The following OR10J1 variants were observed in gnomAD, a reference collection of about 807,000 sequenced individuals.
The protein encoded by OR10J1 is olfactory receptor family 10 subfamily J member 1.
For synonymous variants in OR10J1, 202 were observed against 143.8 expected, an observed-to-expected ratio of 1.40 and a Z score of -2.89; for missense variants, 474 against 376.6, an observed-to-expected ratio of 1.26 and a Z score of -2.14.
the OR10J1 span, among the ~76,000 whole-genome samples, chr1:159,403,945 C>G: frequency 7.8e-4 from 118 of 152,150 alleles, 1 homozygote; most frequent in Non-Finnish European, 1.3e-3. Flanking sequence ...AAAAAGAATG[C>G]AATCCAGTCG....
Position 159,440,604 on chromosome 1 carries a change from G to T in OR10J1, c.813G>T (p.Gln271His), listed in dbSNP as rs199959856. ...PKSENTREHD[Q>H]LISVTYTVIT... ...CAGAGAACACCAGAGAACATGACCA[G>T]CTGATCTCGGTGACCTACACTGTCA... The change falls in exon 1 of 1, where the codon CAG (glutamine) becomes CAT (histidine). Residue 271 changes from glutamine to histidine, a missense_variant. Gln to His is a conservative substitution (Grantham distance 24, BLOSUM62 0). Coordinates refer to ENST00000423932, the MANE Select transcript of OR10J1 (RefSeq NM_012351.3). The T allele has an allele frequency of 1.4e-5, 22 of 1,613,810 alleles. No individual in the cohort carries two copies. Among genetic ancestry groups the T allele is most frequent in the African/African-American group, 2.7e-5 (2 of 74,868 alleles).
the OR10J1 span, chr1:159,432,707 C>T: frequency 1.2e-5 from 5 of 405,536 alleles, no homozygotes; most frequent in Non-Finnish European, 2.2e-5. Flanking sequence ...TCAGCCTTCC[C>T]TTCTGTGATG....
At chr1:159,423,666 G>A in the OR10J1 span, among the ~76,000 whole-genome samples, 2 of 152,170 alleles carry the variant, frequency 1.3e-5, no homozygotes, top group Admixed American at 1.3e-4. Context: ...ACCATGCGGA[G>A]AGACTTTCCT....
chr1:159,422,910 T>C, the OR10J1 span, among the ~76,000 whole-genome samples: 1 of 152,176 alleles, frequency 6.6e-6, no homozygotes, highest in Admixed American at 6.5e-5. Flanking sequence ...CAGGCTACAT[T>C]GCTTCCCTCT....
At chr1:159,417,698 C>T in the OR10J1 span, among the ~76,000 whole-genome samples, 1 of 152,146 alleles carries the variant, frequency 6.6e-6, no homozygotes, top group East Asian at 1.9e-4. Flanking sequence ...GAGTAGGGTG[C>T]TGCTGTATAG....
the OR10J1 span, among the ~76,000 whole-genome samples, chr1:159,411,622 A>G: frequency 6.6e-6 from 1 of 152,142 alleles, no homozygotes; most frequent in Non-Finnish European, 1.5e-5. Context: ...TCCTGAATAC[A>G]GCACACTGAT....
chr1:159,433,401 T>C (rs1277811339), upstream of OR10J1, among the ~76,000 whole-genome samples: 1 of 152,228 alleles, frequency 6.6e-6, no homozygotes, highest in Non-Finnish European at 1.5e-5. Context: ...CACTGCACTA[T>C]AATGTTAGAC....
the OR10J1 span, among the ~76,000 whole-genome samples, chr1:159,413,683 C>G: frequency 8.9e-6 from 1 of 112,402 alleles, no homozygotes. Context: ...ACTCTAGGGA[C>G]TGTTGTGGGG....
upstream of OR10J1, among the ~76,000 whole-genome samples, chr1:159,438,941 C>T (rs1655820628): frequency 6.6e-6 from 1 of 152,098 alleles, no homozygotes; most frequent in South Asian, 2.1e-4. Context: ...CTGTATCTTT[C>T]CTGATACAAT....
the OR10J1 span, among the ~76,000 whole-genome samples, chr1:159,424,236 T>C: frequency 6.7e-6 from 1 of 148,612 alleles, no homozygotes; most frequent in Non-Finnish European, 1.5e-5. Flanking sequence ...AAAGCCACAC[T>C]GGAACAAGCA....
chr1:159,397,642 G>A, the OR10J1 span, among the ~76,000 whole-genome samples: 4 of 152,188 alleles, frequency 2.6e-5, no homozygotes, highest in Non-Finnish European at 4.4e-5. Context: ...GGCGGTGGGG[G>A]CTATGGGGGT....
At chr1:159,432,065 T>C in the OR10J1 span, 1 of 397,754 alleles carries the variant, frequency 2.5e-6, no homozygotes, top group Non-Finnish European at 4.4e-6. Flanking sequence ...TGTCTGAATG[T>C]TGAGAGCATC....
the OR10J1 span, among the ~76,000 whole-genome samples, chr1:159,417,483 C>T: frequency 1.6e-4 from 25 of 152,196 alleles, no homozygotes; most frequent in African/African-American, 2.9e-4. Flanking sequence ...ATAAGTCTTA[C>T]GAGATCTGAT....
At chr1:159,407,983 T>C in the OR10J1 span, among the ~76,000 whole-genome samples, 4 of 152,066 alleles carry the variant, frequency 2.6e-5, no homozygotes, top group Non-Finnish European at 5.9e-5. Context: ...TGTAGGATGA[T>C]ATGGAAACAT....
At chr1:159,416,964 C>T in the OR10J1 span, among the ~76,000 whole-genome samples, 1 of 151,788 alleles carries the variant, frequency 6.6e-6, no homozygotes, top group Non-Finnish European at 1.5e-5. Context: ...TTTGGGTCTT[C>T]TCTCTTTTTC....
At chr1:159,432,751 G>A in the OR10J1 span, 14 of 401,582 alleles carry the variant, frequency 3.5e-5, no homozygotes, top group Admixed American at 8.8e-5. Context: ...TGTGATATCC[G>A]GCCCATAATG....
Position 159,440,332 on chromosome 1 carries a change from C to T in OR10J1, c.541C>T (p.Arg181Cys), listed in dbSNP as rs143481177. 134 of 1,614,044 alleles carry T rather than the reference C, an allele frequency of 8.3e-5. No homozygotes were observed. The highest frequency in any genetic ancestry group is 1.0e-4 in the Non-Finnish European group (121 of 1,180,030). The change falls in exon 1 of 1, where the codon CGC becomes TGC. Residue 181 changes from arginine (R) to cysteine (C), a missense_variant. Arg to Cys is a radical substitution (Grantham distance 180). Coordinates refer to ENST00000423932, the MANE Select transcript of OR10J1 (RefSeq NM_012351.3). ...RKVPHFFCDI[R>C]PVMKLSCIDT... ...GGTGCCCCACTTCTTCTGTGACATC[C>T]GCCCTGTGATGAAGCTCTCCTGCAT...
At chr1:159,405,462 G>C in the OR10J1 span, 1 of 177,646 alleles carries the variant, frequency 5.6e-6, no homozygotes, top group South Asian at 1.4e-4. Flanking sequence ...TCCTCTTCAT[G>C]GCTCTGCACA....
chr1:159,411,305 G>T, the OR10J1 span, among the ~76,000 whole-genome samples: 5 of 152,208 alleles, frequency 3.3e-5, 1 homozygote, highest in South Asian at 1.0e-3. Context: ...GAGTGTTAAA[G>T]TCTCCCATTT....
Sources: allele counts gnomAD v4.1 joint callset (sites outside exome capture counted in the v4.1 genomes callset), GRCh38; gene constraint gnomAD v4.1.1; transcripts MANE v1.5; gene names NCBI Gene and HGNC (gene_info 2026-07-23, HGNC 2026-07-21).